The following TLN2 variants were observed in gnomAD, a reference collection of about 807,000 sequenced individuals.
TLN2 encodes the protein talin 2, also known as talin-2.
In TLN2, 118 loss-of-function variants were observed where a neutral mutation model predicts 294.7. The ratio of observed to expected loss-of-function variants is 0.40; its 90% CI spans 0.34 to 0.47. The LOEUF (loss-of-function observed/expected upper bound fraction) is 0.47. Among genes scored for constraint, TLN2 ranks in the 20% least tolerant of loss-of-function variants. TLN2 has a pLI of 0.84. For synonymous variants in TLN2, 1,431 were observed against 1,304.5 expected (o/e 1.10, Z -2.09); for missense variants, 3,083 against 3,282.2 (o/e 0.94, Z 1.48).
rs112892235 is a variant in TLN2, at chr15:62,701,265, G to GTTT, written c.1696+60_1696+62dup. On this transcript the variant is annotated intron_variant, in intron 17 of 58. Transcript: ENST00000636159. ...CATTGGGGTTTTGTTTAAAAGCTGT[G>GTTT]TTTTTTTTTTTAATTTTAAAAAATA... The GTTT allele has an allele frequency of 3.7e-5, 43 of 1,147,354 alleles. No homozygotes were observed. In the African/African-American group the frequency reaches 5.8e-4, roughly 16 times the overall value. The allele number at this position is 1,147,354 out of a possible 1,614,324, so 71.1% of individuals were successfully genotyped here. A position where few individuals can be genotyped will look rare whatever the true frequency, so the allele number is the denominator to read the frequency against.
At chr15:62,486,462 T>G (rs28373040) in intron 1 of TLN2, among the ~76,000 whole-genome samples, 161 of 127,800 alleles carry the variant, frequency 1.3e-3, no homozygotes, top group Middle Eastern at 3.9e-3. Context: ...GTTTTTTTTT[T>G]TTTTTTTTTT....
intron 1 of TLN2, among the ~76,000 whole-genome samples, chr15:62,525,764 GC>G (rs2040699367): frequency 6.6e-6 from 1 of 152,172 alleles, no homozygotes; most frequent in Admixed American, 6.5e-5. Flanking sequence ...TAGTGAAAGG[GC>G]AGCTGGATGC....
At position 62,697,879 on chromosome 15, in the gene TLN2, C is replaced by G. The variant is rs941957320; in HGVS notation, c.1473+11C>G. ...CACATGCCGCCACTGGTGAGGCTTC[C>G]TGTGCTCGTCCCCCACTCGTTAGTC... On this transcript the variant is annotated intron_variant, in intron 15 of 58. Coordinates refer to ENST00000636159, the MANE Select transcript of TLN2 (RefSeq NM_015059.3). 1.1e-5 allele frequency: 18 copies of G among 1,609,626 alleles called. No individual in the cohort carries two copies. The highest frequency in any genetic ancestry group is 1.5e-5 in the Non-Finnish European group (18 of 1,178,770).
intron 1 of TLN2, among the ~76,000 whole-genome samples, chr15:62,424,679 G>A (rs570995458): frequency 1.7e-4 from 26 of 152,164 alleles, no homozygotes; most frequent in African/African-American, 4.8e-4. Flanking sequence ...TTGAGATAGA[G>A]TCTTTCTCTG....
At chr15:62,603,589 C>T (rs1446067071) in intron 2 of TLN2, among the ~76,000 whole-genome samples, 1 of 152,106 alleles carries the variant, frequency 6.6e-6, no homozygotes, top group African/African-American at 2.4e-5. Flanking sequence ...TGGAGAATAG[C>T]CTTGATACTC....
chr15:62,692,742 T>C, intron 12 of TLN2, 98 bp from the exon 13 acceptor site: 3 of 840,224 alleles, frequency 3.6e-6, no homozygotes, highest in Non-Finnish European at 3.9e-6. Flanking sequence ...GCAGGGAAAA[T>C]GAAGTCTATG....
At chr15:62,758,663 A>C (rs1364070982) in intron 37 of TLN2, 1 of 152,216 alleles carries the variant, frequency 6.6e-6, no homozygotes, top group Non-Finnish European at 1.5e-5. Flanking sequence ...CTTGGCTGTG[A>C]GTATGCTTTC....
chr15:62,697,138 C>T (rs926583456), intron 14 of TLN2, among the ~76,000 whole-genome samples: 2 of 152,208 alleles, frequency 1.3e-5, no homozygotes, highest in Non-Finnish European at 1.5e-5. Flanking sequence ...GACAGAGTCT[C>T]ACTCTTTTGC....
intron 21 of TLN2, among the ~76,000 whole-genome samples, 187 bp downstream of exon 21, chr15:62,708,983 T>C (rs1260261507): frequency 3.3e-5 from 5 of 152,220 alleles, no homozygotes; most frequent in Admixed American, 3.3e-4. Context: ...CTTACAGATT[T>C]CTACAGAGTT....
chr15:62,832,103 A>C (rs914768803), intron 54 of TLN2: 1 of 114,878 alleles, frequency 8.7e-6, no homozygotes, highest in Non-Finnish European at 1.7e-5. Flanking sequence ...ATTCCAATAT[A>C]CGATCTTTTT....
At chr15:62,732,324 C>T (rs1404624650) in intron 28 of TLN2, among the ~76,000 whole-genome samples, 1 of 152,042 alleles carries the variant, frequency 6.6e-6, no homozygotes, top group Non-Finnish European at 1.5e-5. Context: ...TAGAAGTAGC[C>T]CCATTTAATT....
intron 54 of TLN2, among the ~76,000 whole-genome samples, chr15:62,825,782 T>TATATAATATATTATA (rs1190689676): frequency 5.5e-5 from 1 of 18,036 alleles, no homozygotes; most frequent in African/African-American, 1.5e-4. Flanking sequence ...ATATAATATA[T>TATATAATATATTATA]TATATATTAT....
intron 52 of TLN2, 151 bp from the exon 53 acceptor site, chr15:62,819,365 G>C: frequency 1.6e-6 from 1 of 638,892 alleles, no homozygotes; most frequent in Admixed American, 2.8e-5. Context: ...TGAGTCGTAA[G>C]GGTTTTCCAC....
chr15:62,405,335 C>T (rs886930791), intron 1 of TLN2, among the ~76,000 whole-genome samples: 2 of 152,144 alleles, frequency 1.3e-5, no homozygotes, highest in Non-Finnish European at 2.9e-5. Flanking sequence ...AGCCAGGGGA[C>T]TGGGGACAGG....
In TLN2 at chr15:62,618,077, G is replaced by T. The variant is rs58285912; in HGVS notation, c.-161-274G>T. 3.5e-4 allele frequency among the ~76,000 whole-genome samples: 53 copies of T among 151,992 alleles called. 1 individual carries two copies. In the East Asian group the frequency reaches 9.5e-3, roughly 27 times the overall value. On this transcript the variant is annotated intron_variant, in intron 2 of 58. Coordinates refer to ENST00000636159, the MANE Select transcript of TLN2 (RefSeq NM_015059.3). Reference sequence around the variant, plus strand: ...GCCTCTCAACGTGTTGAGATTACAGGCAAGAGCCACCATGCCCAGTGCCTC... The same window carrying T: ...GCCTCTCAACGTGTTGAGATTACAGTCAAGAGCCACCATGCCCAGTGCCTC...
At chr15:62,621,022 G>C (rs977831070) in intron 3 of TLN2, among the ~76,000 whole-genome samples, 5 of 151,156 alleles carry the variant, frequency 3.3e-5, no homozygotes, top group African/African-American at 1.2e-4. Context: ...TATATTTTTA[G>C]TAGAGACGGG....
chr15:62,765,789 A>G (rs2062963469), intron 40 of TLN2, among the ~76,000 whole-genome samples: 1 of 152,256 alleles, frequency 6.6e-6, no homozygotes, highest in African/African-American at 2.4e-5. Flanking sequence ...ATTTGCATGC[A>G]CACTACCAAA....
intron 25 of TLN2, among the ~76,000 whole-genome samples, chr15:62,720,648 GGTGTGTGTGTGTGTGTGTGT>G (rs5813167): frequency 2.0e-5 from 3 of 149,098 alleles, no homozygotes; most frequent in Admixed American, 1.3e-4. Context: ...ATACAACACA[GGTGTGTGTGTGTGTGTGTGT>G]GTGTGTGTGT....
In TLN2 at chr15:62,414,378, A is replaced by G. The variant is rs769703505; in HGVS notation, c.-238+23693A>G. Among the ~76,000 whole-genome samples, 25 of 137,030 alleles carry G rather than the reference A, an allele frequency of 1.8e-4. 3 individuals carry two copies. Among genetic ancestry groups the G allele is most frequent in the Non-Finnish European group, 3.2e-4 (21 of 65,032 alleles). 89.9% of individuals were successfully genotyped at this position (137,030 alleles called of 152,430 possible). On this transcript the variant is annotated intron_variant, in intron 1 of 58. Coordinates refer to ENST00000636159, the MANE Select transcript of TLN2 (RefSeq NM_015059.3). ...CTTAATCTTGCCACTGAATCCAGTA[A>G]GAAGCTAGTTTGTCCTTCAAGTAGA...
Sources: allele counts gnomAD v4.1 joint callset (sites outside exome capture counted in the v4.1 genomes callset), GRCh38; gene constraint gnomAD v4.1.1; transcripts MANE v1.5; gene names NCBI Gene and HGNC (gene_info 2026-07-23, HGNC 2026-07-21).